Variants in ZC3H18 observed in about 807,000 individuals in gnomAD.
ZC3H18 encodes zinc finger CCCH domain-containing protein 18.
A neutral mutation model predicts 106.1 loss-of-function variants in ZC3H18; 8 were observed. That is an observed-to-expected ratio of 0.08 (90% CI 0.04 to 0.14). The LOEUF is 0.14. Ranked by LOEUF, ZC3H18 falls within the 10% of genes least tolerant of loss-of-function variation. ZC3H18 has a pLI of 1.00. For synonymous variants in ZC3H18, 635 were observed against 522.1 expected, an observed-to-expected ratio of 1.22 and a Z score of -2.95; for missense variants, 1,318 against 1,278.4, an observed-to-expected ratio of 1.03 and a Z score of -0.47.
At chr16:88,623,025 G>A (rs1039337924) in intron 9 of ZC3H18, 194 bp from the exon 10 acceptor site, 1 of 718,848 alleles carries the variant, frequency 1.4e-6, no homozygotes, top group Non-Finnish European at 2.2e-6. Context: ...ACCAAGGAGG[G>A]ATGGCACTGA....
At chr16:88,609,131 TA>T in intron 7 of ZC3H18, 80 bp downstream of exon 7, 1 of 1,180,430 alleles carries the variant, frequency 8.5e-7, no homozygotes, top group Non-Finnish European at 1.2e-6. Flanking sequence ...CAGTAAAAAA[TA>T]CAGGGCTTTA....
intron 1 of ZC3H18, chr16:88,571,488 C>T (rs11076678): frequency 0.13 from 53,474 of 403,090 alleles, 3,605 homozygotes; most frequent in East Asian, 0.24. Context: ...GGCTGAATCC[C>T]GCTTCCCAGC....
At chr16:88,582,268 A>G (rs1915183812) in intron 2 of ZC3H18, among the ~76,000 whole-genome samples, 1 of 110,042 alleles carries the variant, frequency 9.1e-6, no homozygotes, top group South Asian at 3.1e-4. Context: ...TCTGTTGCCC[A>G]GGCCAGAGTG....
At chr16:88,624,130 G>A (rs1357020987) in intron 11 of ZC3H18, 68 bp downstream of exon 11, 59 of 1,577,062 alleles carry the variant, frequency 3.7e-5, no homozygotes, top group Non-Finnish European at 4.2e-5. Context: ...TCCTCCCTCC[G>A]TCTCTATCTC....
At chr16:88,618,771 G>A (rs1905778518) in intron 8 of ZC3H18, among the ~76,000 whole-genome samples, 1 of 152,216 alleles carries the variant, frequency 6.6e-6, no homozygotes, top group Non-Finnish European at 1.5e-5. Flanking sequence ...CTCAGTCAGA[G>A]GTCATCTGGA....
Position 88,598,625 on chromosome 16 carries a change from G to A in ZC3H18, c.843G>A (p.Gly281=), listed in dbSNP as rs760346239. 6.2e-7 allele frequency: 1 copy of A among 1,609,394 alleles called. No individual in the cohort carries two copies. The highest frequency in any genetic ancestry group is 1.1e-5 in the South Asian group (1 of 90,092). The change falls in exon 5 of 18, where the codon GGG becomes GGA. Residue 281 remains glycine, a synonymous_variant. Coordinates refer to ENST00000301011, the MANE Select transcript of ZC3H18 (RefSeq NM_144604.4). ...HPLMPANPWG[G]PVVDEILPPP... is the part of the protein sequence containing the mutation. ...CCCTTCTCGTTTTTCAATAGGGTGG[G>A]CCGGTAGTTGATGAAATTTTGCCTC...
chr16:88,625,152 G>C, intron 12 of ZC3H18, 50 bp from the exon 13 acceptor site: 1 of 1,552,002 alleles, frequency 6.4e-7, no homozygotes, highest in South Asian at 1.2e-5. Context: ...GAGGCCGCGA[G>C]GGGCTGTGGA....
chr16:88,606,228 A>T (rs532095005), intron 6 of ZC3H18, among the ~76,000 whole-genome samples: 1 of 152,238 alleles, frequency 6.6e-6, no homozygotes, highest in Non-Finnish European at 1.5e-5. Context: ...AATACCTTCC[A>T]AATTCATTTC....
At chr16:88,582,538 C>T (rs1915199307) in intron 2 of ZC3H18, among the ~76,000 whole-genome samples, 1 of 152,124 alleles carries the variant, frequency 6.6e-6, no homozygotes, top group African/African-American at 2.4e-5. Context: ...CTGTGGGTTT[C>T]CACTTCAAGT....
chr16:88,618,617 C>T (rs4782305), intron 8 of ZC3H18, among the ~76,000 whole-genome samples: 4 of 152,018 alleles, frequency 2.6e-5, no homozygotes, highest in Non-Finnish European at 5.9e-5. Context: ...GTGCCAGCCT[C>T]GGGCCCTTGG....
At chr16:88,619,964 A>G (rs979724009) in intron 8 of ZC3H18, among the ~76,000 whole-genome samples, 2 of 152,136 alleles carry the variant, frequency 1.3e-5, no homozygotes, top group Non-Finnish European at 2.9e-5. Context: ...TCCTTCCTGG[A>G]TTACTTTTCC....
At chr16:88,573,831 G>A (rs186037775) in intron 1 of ZC3H18, among the ~76,000 whole-genome samples, 1 of 151,924 alleles carries the variant, frequency 6.6e-6, no homozygotes, top group African/African-American at 2.4e-5. Context: ...AAGTGACTTG[G>A]AATGGATTGG....
At chr16:88,576,152 G>A (rs1914733752) in intron 1 of ZC3H18, among the ~76,000 whole-genome samples, 1 of 151,838 alleles carries the variant, frequency 6.6e-6, no homozygotes, top group African/African-American at 2.4e-5. Context: ...CACCTGCCTC[G>A]GGCCTCCCAA....
intron 13 of ZC3H18, 183 bp downstream of exon 13, chr16:88,625,450 C>A: frequency 2.9e-6 from 2 of 691,722 alleles, no homozygotes; most frequent in South Asian, 1.9e-5. Flanking sequence ...TGGGCCAGGA[C>A]TCGTGATAGG....
intron 8 of ZC3H18, 37 bp downstream of exon 8, chr16:88,611,573 A>C (rs1038930911): frequency 6.5e-7 from 1 of 1,542,508 alleles, no homozygotes. Flanking sequence ...GGTGTGGGGG[A>C]GGTCCGGCAT....
chr16:88,623,910 G>A, intron 10 of ZC3H18, 48 bp from the exon 11 acceptor site: 1 of 1,557,284 alleles, frequency 6.4e-7, no homozygotes, highest in East Asian at 2.3e-5. Flanking sequence ...TTGGGCTGGT[G>A]AAGAAACACC....
chr16:88,593,506 A>T (rs1215482093), intron 3 of ZC3H18, among the ~76,000 whole-genome samples: 1 of 152,232 alleles, frequency 6.6e-6, no homozygotes, highest in African/African-American at 2.4e-5. Context: ...TTTCAGACGC[A>T]GGTAACTGAA....
At position 88,624,077 on chromosome 16, in the gene ZC3H18, T is replaced by C. The variant is rs1385620781; in HGVS notation, c.1898+15T>C. 6.2e-7 allele frequency: 1 copy of C among 1,603,334 alleles called. No individual in the cohort carries two copies. The highest frequency in any genetic ancestry group is 1.3e-5 in the African/African-American group (1 of 74,554). On this transcript the variant is annotated intron_variant, in intron 11 of 17. Coordinates refer to ENST00000301011, the MANE Select transcript of ZC3H18 (RefSeq NM_144604.4). Reference sequence around the variant, plus strand: ...GGGAAAGCAGGGTGAGTGCCCAGCCTGTGGGCAAGTCCTGGCCGGCCAGGC... The same window carrying C: ...GGGAAAGCAGGGTGAGTGCCCAGCCCGTGGGCAAGTCCTGGCCGGCCAGGC...
chr16:88,615,836 C>G (rs1428454806), intron 8 of ZC3H18, among the ~76,000 whole-genome samples: 1 of 152,252 alleles, frequency 6.6e-6, no homozygotes, highest in Admixed American at 6.5e-5. Context: ...GCCGGGGGCT[C>G]TTCCCAGTCA....
Sources: allele counts gnomAD v4.1 joint callset (sites outside exome capture counted in the v4.1 genomes callset), GRCh38; gene constraint gnomAD v4.1.1; transcripts MANE v1.5; gene names NCBI Gene and HGNC (gene_info 2026-07-23, HGNC 2026-07-21).